VWA8: variants seen among roughly 807,000 people sequenced by gnomAD.
The protein encoded by VWA8 is von Willebrand factor A domain-containing protein 8.
A neutral mutation model predicts 241.5 loss-of-function variants in VWA8; 221 were observed. That is an observed-to-expected ratio of 0.91 (90% CI 0.82 to 1.02). VWA8 has a LOEUF of 1.02. Among genes scored for constraint, VWA8 ranks in the 50% least tolerant of loss-of-function variants. The pLI is 0.00. For synonymous variants in VWA8, 852 were observed against 827.1 expected, an observed-to-expected ratio of 1.03 and a Z score of -0.52; for missense variants, 2,322 against 2,328.7, an observed-to-expected ratio of 1.00 and a Z score of 0.06.
At chr13:41,639,337 T>C (rs901044187) in intron 37 of VWA8, among the ~76,000 whole-genome samples, 1 of 152,176 alleles carries the variant, frequency 6.6e-6, no homozygotes, top group African/African-American at 2.4e-5. Flanking sequence ...CTGCAAATAT[T>C]TGAACACAAG....
Position 41,811,310 on chromosome 13 carries a change from T to A in VWA8, c.1978A>T (p.Arg660Ter), listed in dbSNP as rs9562353. Residue 660 changes from arginine to a stop codon, truncating the protein, a stop_gained, in exon 17 of 45, where the codon AGA becomes TGA. Transcript: ENST00000379310. LOFTEE classifies it high-confidence loss of function. ...AQSLAASLST[R>*]QLLRISRRLS... ...CGACGAGAAATTCGCAACAGTTGTC[T>A]GGTAGAAAGTGATGCCGCTAATGAT... 2.3e-5 allele frequency: 37 copies of A among 1,610,628 alleles called. No individual in the cohort carries two copies. The South Asian group carries it at 3.9e-4, about 17-fold the overall frequency.
At chr13:41,907,528 A>G in intron 4 of VWA8, 58 bp downstream of exon 4, 1 of 1,487,062 alleles carries the variant, frequency 6.7e-7, no homozygotes, top group Non-Finnish European at 9.4e-7. Flanking sequence ...TACTTTAAAA[A>G]TCAATCTTGT....
At chr13:41,748,253 T>C (rs1467340858) in intron 21 of VWA8, among the ~76,000 whole-genome samples, 1 of 152,218 alleles carries the variant, frequency 6.6e-6, no homozygotes, top group Admixed American at 6.5e-5. Context: ...TGGTAAGCTA[T>C]TAATTATTGC....
chr13:41,573,678 C>T (rs886748628), intron 43 of VWA8, among the ~76,000 whole-genome samples: 8 of 149,892 alleles, frequency 5.3e-5, no homozygotes, highest in Non-Finnish European at 8.8e-5. Context: ...ACCTCAGTGG[C>T]GTGATCTTGG....
chr13:41,661,770 T>C (rs958344729), intron 37 of VWA8, among the ~76,000 whole-genome samples: 4 of 152,228 alleles, frequency 2.6e-5, no homozygotes, highest in Admixed American at 2.0e-4. Flanking sequence ...ATTATTACTA[T>C]TGTATCCTAT....
intron 12 of VWA8, among the ~76,000 whole-genome samples, chr13:41,861,656 T>A (rs1305699873): frequency 6.6e-6 from 1 of 151,944 alleles, no homozygotes; most frequent in Non-Finnish European, 1.5e-5. Context: ...ACCAATAACA[T>A]CCAAACTGAA....
chr13:41,920,026 G>A (rs1450894253), intron 2 of VWA8, among the ~76,000 whole-genome samples: 1 of 152,174 alleles, frequency 6.6e-6, no homozygotes, highest in Non-Finnish European at 1.5e-5. Flanking sequence ...CACCTCCCGA[G>A]GCAGTAGACT....
At chr13:41,913,980 G>A (rs935961768) in intron 2 of VWA8, among the ~76,000 whole-genome samples, 1 of 152,202 alleles carries the variant, frequency 6.6e-6, no homozygotes, top group Non-Finnish European at 1.5e-5. Context: ...GGTGGCTCAC[G>A]CCTGTAATCC....
At chr13:41,932,231 C>G (rs1352621032) in intron 2 of VWA8, among the ~76,000 whole-genome samples, 1 of 151,778 alleles carries the variant, frequency 6.6e-6, no homozygotes. Flanking sequence ...TGAACAAAGT[C>G]CTTAAAAGAG....
intron 12 of VWA8, among the ~76,000 whole-genome samples, chr13:41,843,128 T>C (rs1265956544): frequency 6.6e-6 from 1 of 152,196 alleles, no homozygotes; most frequent in Non-Finnish European, 1.5e-5. Context: ...TAAATCAACT[T>C]GTTAAAGATT....
At chr13:41,854,001 C>G (rs954311673) in intron 12 of VWA8, among the ~76,000 whole-genome samples, 11 of 152,208 alleles carry the variant, frequency 7.2e-5, no homozygotes, top group African/African-American at 2.6e-4. Context: ...TCTCTGAAAT[C>G]AGGGTGCAGC....
At chr13:41,924,063 A>T (rs1481737896) in intron 2 of VWA8, among the ~76,000 whole-genome samples, 1 of 152,176 alleles carries the variant, frequency 6.6e-6, no homozygotes, top group Admixed American at 6.5e-5. Context: ...GACCCCAAAG[A>T]AATGGATATT....
intron 21 of VWA8, among the ~76,000 whole-genome samples, chr13:41,743,601 T>C (rs745813714): frequency 6.6e-6 from 1 of 152,186 alleles, no homozygotes; most frequent in Non-Finnish European, 1.5e-5. Flanking sequence ...AATTATGAAA[T>C]TAATAATTGC....
intron 1 of VWA8, among the ~76,000 whole-genome samples, chr13:41,952,447 A>C (rs1878178032): frequency 6.6e-6 from 1 of 152,216 alleles, no homozygotes; most frequent in Non-Finnish European, 1.5e-5. Flanking sequence ...TACAAATATA[A>C]GTGATATTAT....
chr13:41,784,737 C>CACACATATATATATAT (rs1191810226), intron 18 of VWA8, among the ~76,000 whole-genome samples: 1 of 72,562 alleles, frequency 1.4e-5, no homozygotes, highest in Non-Finnish European at 2.9e-5. Context: ...TATACACACA[C>CACACATATATATATAT]ATATATATAT....
chr13:41,662,194 T>C (rs954270647), intron 37 of VWA8, among the ~76,000 whole-genome samples: 5 of 152,324 alleles, frequency 3.3e-5, no homozygotes, highest in South Asian at 2.1e-4. Context: ...AGAGATTGAA[T>C]TGGAATTGTG....
intron 43 of VWA8, among the ~76,000 whole-genome samples, chr13:41,573,328 G>C (rs1007341574): frequency 1.6e-4 from 24 of 150,848 alleles, no homozygotes; most frequent in African/African-American, 5.8e-4. Context: ...TGAGGCAGGA[G>C]ACTGGCTTGA....
At chr13:41,627,602 C>T (rs1287506208) in intron 37 of VWA8, among the ~76,000 whole-genome samples, 2 of 152,174 alleles carry the variant, frequency 1.3e-5, no homozygotes, top group African/African-American at 2.4e-5. Context: ...GGAGCTTGAA[C>T]TTTGGGTTCA....
chr13:41,796,841 T>A (rs1175029340), intron 17 of VWA8, among the ~76,000 whole-genome samples: 1 of 152,126 alleles, frequency 6.6e-6, no homozygotes, highest in Non-Finnish European at 1.5e-5. Flanking sequence ...AAATTCAGTT[T>A]TGGTCATAGA....
Sources: gnomAD v4.1 joint callset for allele counts (sites outside exome capture counted in the v4.1 genomes callset) on GRCh38, gnomAD v4.1.1 for gene constraint, MANE v1.5 for transcripts, NCBI Gene and HGNC (gene_info 2026-07-23, HGNC 2026-07-21) for gene names.